LRP1B: variants seen among roughly 807,000 people sequenced by gnomAD.
LRP1B encodes the protein LDL receptor related protein 1B, also known as low-density lipoprotein receptor-related protein 1B.
Under a neutral mutation model 556.6 loss-of-function variants are expected in LRP1B, and 217 were observed. The ratio of observed to expected loss-of-function variants is 0.39; its 90% CI spans 0.35 to 0.44. LRP1B has a LOEUF of 0.44. LRP1B is among the 20% of genes least tolerant of loss of function. LRP1B has a pLI of 1.00. For missense variants in LRP1B, 5,053 were observed against 5,620.8 expected (o/e 0.90, Z 3.23); for synonymous variants, 2,047 against 1,865.8 (o/e 1.10, Z -2.50).
intron 40 of LRP1B, 97 bp downstream of exon 40, chr2:140,701,624 G>C (rs2105424905): frequency 8.3e-7 from 1 of 1,206,260 alleles, no homozygotes; most frequent in East Asian, 2.4e-5. Flanking sequence ...TGAGGTTTTA[G>C]ACTTATAGAA....
At chr2:141,506,827 AT>A (rs1388685496) in intron 2 of LRP1B, among the ~76,000 whole-genome samples, 9 of 152,126 alleles carry the variant, frequency 5.9e-5, no homozygotes, top group African/African-American at 1.2e-4. Context: ...TGGGAAAAAA[AT>A]ATTATAAATT....
chr2:140,363,278 G>A (rs183369258), intron 72 of LRP1B, among the ~76,000 whole-genome samples: 10 of 151,570 alleles, frequency 6.6e-5, no homozygotes, highest in East Asian at 2.0e-4. Flanking sequence ...TGAGAGAAAC[G>A]CAAAAATGTT....
chr2:140,398,983 A>G (rs1411127279), intron 66 of LRP1B, among the ~76,000 whole-genome samples: 1 of 152,260 alleles, frequency 6.6e-6, no homozygotes, highest in East Asian at 1.9e-4. Flanking sequence ...TTTCCATCCA[A>G]CATTCATTGG....
intron 35 of LRP1B, among the ~76,000 whole-genome samples, chr2:140,764,005 GA>G: frequency 6.6e-6 from 1 of 152,106 alleles, no homozygotes; most frequent in Middle Eastern, 3.4e-3. Context: ...TCATAAAATC[GA>G]AAAAATGTCC....
At position 140,541,854 on chromosome 2, in the gene LRP1B, C is replaced by G. The variant is rs992552818; in HGVS notation, c.7312G>C (p.Asp2438His). The G allele has an allele frequency of 6.2e-7, 1 of 1,612,852 alleles. No individual in the cohort carries two copies. The highest frequency in any genetic ancestry group is 1.3e-5 in the African/African-American group (1 of 74,980). The change falls in exon 44 of 91, where the codon GAT (aspartate) becomes CAT (histidine). Residue 2438 changes from aspartate to histidine, a missense_variant. This residue lies in a region of LRP1B where 3,619 missense variants were observed against 3,931.9 expected (regional missense o/e 0.92). Coordinates refer to ENST00000389484, the MANE Select transcript of LRP1B (RefSeq NM_018557.3). ...ILRSNKYTGG[D>H]TKILRSDIPH... ...ATATCGGAACGAAGAATTTTTGTAT[C>G]TCCTCCTGTGTACTTGTTGGACCGC...
chr2:140,828,717 G>A (rs373915308), intron 31 of LRP1B, among the ~76,000 whole-genome samples: 1,562 of 69,824 alleles, frequency 0.022, 586 homozygotes, highest in Admixed American at 0.11. Flanking sequence ...GTGAACCCGG[G>A]AGGCGGAGCT....
chr2:142,029,787 T>C (rs920876368), intron 1 of LRP1B, among the ~76,000 whole-genome samples: 1 of 151,886 alleles, frequency 6.6e-6, no homozygotes, highest in Non-Finnish European at 1.5e-5. Flanking sequence ...TCCATACTTC[T>C]CTCACCCTAA....
chr2:141,291,811 G>A lies in LRP1B; in HGVS notation c.344-37170C>T, dbSNP rs541179666. On this transcript the variant is annotated intron_variant, in intron 3 of 90. Coordinates refer to ENST00000389484, the MANE Select transcript of LRP1B (RefSeq NM_018557.3). ...GCGGAGCTTGCAGTGAGCAGAGATC[G>A]CGCCACTGCACTCCAGCCTGGGCGA... Among the ~76,000 whole-genome samples the A allele has an allele frequency of 6.9e-3, 912 of 132,778 alleles. 3 individuals carry two copies. Among genetic ancestry groups the A allele is most frequent in the Middle Eastern group, 0.034 (6 of 174 alleles). The allele number at this position is 132,778 out of a possible 152,430, so 87.1% of individuals were successfully genotyped here. A position where few individuals can be genotyped will look rare whatever the true frequency, so the allele number is the denominator to read the frequency against.
intron 1 of LRP1B, among the ~76,000 whole-genome samples, chr2:141,967,038 A>T (rs1166232219): frequency 6.6e-6 from 1 of 151,858 alleles, no homozygotes; most frequent in Admixed American, 6.6e-5. Flanking sequence ...CTCCTGGAAG[A>T]TGACTATCTC....
intron 47 of LRP1B, among the ~76,000 whole-genome samples, chr2:140,532,723 A>C (rs1199484367): frequency 2.6e-5 from 4 of 151,652 alleles, no homozygotes; most frequent in Non-Finnish European, 5.9e-5. Flanking sequence ...TCTTATATGT[A>C]ATCTGTCTGT....
At chr2:140,727,942 G>A (rs889121053) in intron 35 of LRP1B, among the ~76,000 whole-genome samples, 6 of 152,020 alleles carry the variant, frequency 3.9e-5, no homozygotes, top group African/African-American at 1.4e-4. Context: ...TTTTCTTACA[G>A]TAACAAACCA....
At chr2:140,855,866 C>T (rs890679582) in intron 27 of LRP1B, among the ~76,000 whole-genome samples, 1 of 152,092 alleles carries the variant, frequency 6.6e-6, no homozygotes, top group Non-Finnish European at 1.5e-5. Flanking sequence ...AATCATAAAC[C>T]TTCCAAAAAC....
In LRP1B at chr2:141,655,075, C is replaced by T. The variant is rs199526218; in HGVS notation, c.205+155204G>A. ...GTTTTGTGGAAATACTCTATTCTTG[C>T]TTTACCATCTTTTGTATCAATAAAC... On this transcript the variant is annotated intron_variant, in intron 2 of 90. Transcript: ENST00000389484. 1.1e-4 allele frequency among the ~76,000 whole-genome samples: 16 copies of T among 152,230 alleles called. No individual in the cohort carries two copies. The East Asian group carries it at 2.7e-3, about 26-fold the overall frequency.
chr2:142,058,387 A>G (rs1272528957), intron 1 of LRP1B, among the ~76,000 whole-genome samples: 3 of 152,020 alleles, frequency 2.0e-5, no homozygotes, highest in South Asian at 2.1e-4. Context: ...CGACCACTCC[A>G]CTGATCTAGC....
At chr2:141,868,865 T>A (rs1194182212) in intron 1 of LRP1B, among the ~76,000 whole-genome samples, 1 of 152,106 alleles carries the variant, frequency 6.6e-6, no homozygotes, top group Non-Finnish European at 1.5e-5. Context: ...GCCTAATAAC[T>A]GAGGCTCATT....
intron 66 of LRP1B, among the ~76,000 whole-genome samples, chr2:140,386,311 C>T (rs546593101): frequency 8.5e-5 from 13 of 152,316 alleles, no homozygotes; most frequent in East Asian, 3.9e-4. Context: ...TGGTGGCTCA[C>T]GCCTGTAATC....
At chr2:142,119,658 T>C (rs1253686314) in intron 1 of LRP1B, among the ~76,000 whole-genome samples, 4 of 152,110 alleles carry the variant, frequency 2.6e-5, no homozygotes, top group Non-Finnish European at 5.9e-5. Flanking sequence ...CTTCAAATAG[T>C]GTATTCCTTT....
At chr2:141,110,396 A>G (rs1047665420) in intron 7 of LRP1B, among the ~76,000 whole-genome samples, 5 of 152,190 alleles carry the variant, frequency 3.3e-5, no homozygotes, top group Non-Finnish European at 7.4e-5. Context: ...TTTAGTACCT[A>G]GGAGCTTGTG....
chr2:141,661,410 T>A (rs1301651181), intron 2 of LRP1B, among the ~76,000 whole-genome samples: 1 of 151,950 alleles, frequency 6.6e-6, no homozygotes. Context: ...TCTAACCCAA[T>A]GCAAAGAAGG....
Sources: gnomAD v4.1 joint callset for allele counts (sites outside exome capture counted in the v4.1 genomes callset) on GRCh38, gnomAD v4.1.1 for gene constraint, gnomAD v4.1.1 regional missense constraint, MANE v1.5 for transcripts, NCBI Gene and HGNC (gene_info 2026-07-23, HGNC 2026-07-21) for gene names.